Variants in GARRE1 observed in about 807,000 individuals in gnomAD.
GARRE1 encodes the protein granule associated Rac and RHOG effector protein 1.
A neutral mutation model predicts 103.2 loss-of-function variants in GARRE1; 49 were observed. The ratio of observed to expected loss-of-function variants is 0.47; its 90% CI spans 0.38 to 0.60. The LOEUF is 0.60. Ranked by LOEUF, GARRE1 falls within the 20% of genes least tolerant of loss-of-function variation. The probability of loss-of-function intolerance (pLI) is 0.00; values close to 1 mark genes in which losing one functional copy is unlikely to be tolerated. For missense variants in GARRE1, 1,199 were observed against 1,370.5 expected (o/e 0.87, Z 1.98); for synonymous variants, 505 against 532.8 (o/e 0.95, Z 0.72).
intron 10 of GARRE1, among the ~76,000 whole-genome samples, chr19:34,343,189 C>T (rs2074195278): frequency 1.3e-5 from 2 of 152,160 alleles, no homozygotes; most frequent in African/African-American, 4.8e-5. Flanking sequence ...TTTAGTGGCT[C>T]ATGCCTGTAA....
Position 34,349,157 on chromosome 19 carries a change from T to G in GARRE1, c.2825+4T>G. 6.2e-7 allele frequency: 1 copy of G among 1,611,646 alleles called. No individual in the cohort carries two copies. The highest frequency in any genetic ancestry group is 8.5e-7 in the Non-Finnish European group (1 of 1,179,966). On this transcript the variant is annotated splice_donor_region_variant and intron_variant, in intron 12 of 13. Transcript: ENST00000299505. Reference sequence around the variant, plus strand: ...TTGCTGCTGTCAAGCAGAGAAGGTATGAAGGGATTTCTAAACCAAGGTGGG... The same window carrying G: ...TTGCTGCTGTCAAGCAGAGAAGGTAGGAAGGGATTTCTAAACCAAGGTGGG...
At chr19:34,324,209 C>T (rs928871972) in intron 3 of GARRE1, among the ~76,000 whole-genome samples, 3 of 152,164 alleles carry the variant, frequency 2.0e-5, no homozygotes, top group African/African-American at 7.2e-5. Context: ...CTCTGCCCTG[C>T]CCTGTTTCTC....
At chr19:34,277,052 G>C (rs1044050289) in intron 1 of GARRE1, among the ~76,000 whole-genome samples, 1 of 151,898 alleles carries the variant, frequency 6.6e-6, no homozygotes, top group Non-Finnish European at 1.5e-5. Flanking sequence ...AGGATGAACG[G>C]GAGGAGCATC....
chr19:34,291,664 G>A (rs192467223), intron 1 of GARRE1, among the ~76,000 whole-genome samples: 1 of 152,224 alleles, frequency 6.6e-6, no homozygotes, highest in East Asian at 1.9e-4. Flanking sequence ...CTATTCAGGA[G>A]GACAAGAGCC....
At chr19:34,257,080 T>G (rs978504781) in intron 1 of GARRE1, among the ~76,000 whole-genome samples, 75 of 152,162 alleles carry the variant, frequency 4.9e-4, no homozygotes, top group Non-Finnish European at 1.3e-4. Flanking sequence ...GATAGAAAAG[T>G]TCTCAGATTC....
intron 1 of GARRE1, among the ~76,000 whole-genome samples, chr19:34,279,706 C>T (rs1000711905): frequency 8.5e-5 from 13 of 152,240 alleles, no homozygotes; most frequent in African/African-American, 3.1e-4. Context: ...GTTTAATTGG[C>T]CGGGCGCGGT....
rs1291783159 is a variant in GARRE1, at chr19:34,312,406, T to G, written c.496-7501T>G. 6.6e-5 allele frequency among the ~76,000 whole-genome samples: 10 copies of G among 152,354 alleles called. No homozygotes were observed. The East Asian group carries it at 1.9e-3, about 29-fold the overall frequency. On this transcript the variant is annotated intron_variant, in intron 2 of 13. Coordinates refer to ENST00000299505, the MANE Select transcript of GARRE1 (RefSeq NM_014686.5). Reference sequence around the variant, plus strand: ...ATCATCCATCTCTAGAACTTTCTTATCTTCCCAAACTGAAACTCTGTACCT... The same window carrying G: ...ATCATCCATCTCTAGAACTTTCTTAGCTTCCCAAACTGAAACTCTGTACCT...
intron 12 of GARRE1, 93 bp from the exon 13 acceptor site, chr19:34,351,421 T>C (rs1333746973): frequency 3.1e-6 from 3 of 971,262 alleles, no homozygotes; most frequent in African/African-American, 3.2e-5. Flanking sequence ...AACCAGGGCC[T>C]GGAGATGCTG....
intron 1 of GARRE1, among the ~76,000 whole-genome samples, chr19:34,278,352 G>A (rs547832307): frequency 2.7e-5 from 4 of 147,574 alleles, no homozygotes; most frequent in East Asian, 2.0e-4. Flanking sequence ...GCTGAGGCAC[G>A]AGAATTGCTT....
chr19:34,334,787 C>G (rs1252184104), intron 8 of GARRE1, among the ~76,000 whole-genome samples: 1 of 151,854 alleles, frequency 6.6e-6, no homozygotes, highest in Non-Finnish European at 1.5e-5. Context: ...GGTGGGGTGG[C>G]TCACACCTGT....
chr19:34,333,775 A>C lies in GARRE1; in HGVS notation c.1335A>C (p.Arg445Ser). 4.3e-6 allele frequency: 7 copies of C among 1,610,452 alleles called. No homozygotes were observed. The highest frequency in any genetic ancestry group is 5.9e-6 in the Non-Finnish European group (7 of 1,177,398). Residue 445 changes from arginine to serine, a missense_variant, in exon 8 of 14, where the codon AGA becomes AGC. Physicochemically the swap from Arg to Ser is moderately radical, Grantham distance 110. Transcript: ENST00000299505. Reference protein sequence around the residue: ...YAPQISLEGSRIVVQVPSTWC... With the variant: ...YAPQISLEGSSIVVQVPSTWC... The stretch of plus-strand genomic sequence containing the variant: ...CCCAGATCAGTTTAGAAGGCTCTAG[A>C]ATCGTGGTTCAAGTCCCATCCACAT...
rs2074180029 is a variant in GARRE1, at chr19:34,340,333, C to G, written c.1487+341C>G. ...AAATGTTTAGAAAATTTGCTTATGTCTTTTAGAATTTTTTTTCTTTTTCAA... is the reference window on the plus strand; with the variant it reads ...AAATGTTTAGAAAATTTGCTTATGTGTTTTAGAATTTTTTTTCTTTTTCAA... On this transcript the variant is annotated intron_variant, in intron 9 of 13. Coordinates refer to ENST00000299505, the MANE Select transcript of GARRE1 (RefSeq NM_014686.5). 2.0e-5 allele frequency among the ~76,000 whole-genome samples: 3 copies of G among 152,210 alleles called. 1 individual carries two copies. The South Asian group carries it at 6.2e-4, about 32-fold the overall frequency.
Position 34,342,162 on chromosome 19 carries a change from C to T in GARRE1, c.2228C>T (p.Pro743Leu), listed in dbSNP as rs749233181. ...CAACACCTACTCCAGCCCATTGGAC[C>T]GCAGCAGCCCCCGCCCCAGCCTCGG... is the stretch of plus-strand genomic sequence containing the variant. The part of the protein sequence containing the change: ...YYQHLLQPIG[P>L]QQPPPQPRAP... The change falls in exon 10 of 14, where the codon CCG becomes CTG. Residue 743 changes from proline (P) to leucine (L), a missense_variant. Transcript: ENST00000299505. The T allele has an allele frequency of 8.0e-5, 129 of 1,614,044 alleles. 1 individual carries two copies. Among genetic ancestry groups the T allele is most frequent in the Middle Eastern group, 1.6e-4 (1 of 6,084 alleles).
At chr19:34,288,986 G>A (rs748525724) in intron 1 of GARRE1, among the ~76,000 whole-genome samples, 43 of 151,938 alleles carry the variant, frequency 2.8e-4, no homozygotes, top group Non-Finnish European at 1.9e-4. Flanking sequence ...ACAAAAATTG[G>A]CTGGGCATGG....
intron 1 of GARRE1, among the ~76,000 whole-genome samples, chr19:34,292,229 G>A (rs781693748): frequency 6.6e-6 from 1 of 152,126 alleles, no homozygotes; most frequent in Non-Finnish European, 1.5e-5. Context: ...TCATACAATA[G>A]GAGTCTCCTT....
intron 1 of GARRE1, among the ~76,000 whole-genome samples, chr19:34,264,911 G>T (rs1025767307): frequency 2.6e-5 from 4 of 152,110 alleles, no homozygotes; most frequent in Non-Finnish European, 5.9e-5. Flanking sequence ...CTTGACGCAG[G>T]CCTCTACATT....
At chr19:34,351,096 C>T (rs377532946) in intron 12 of GARRE1, among the ~76,000 whole-genome samples, 48 of 151,148 alleles carry the variant, frequency 3.2e-4, no homozygotes, top group African/African-American at 1.2e-3. Flanking sequence ...CTACTCGGGA[C>T]GCTGAGGCAC....
intron 2 of GARRE1, 67 bp downstream of exon 2, chr19:34,301,035 T>C: frequency 6.7e-7 from 1 of 1,483,884 alleles, no homozygotes; most frequent in Non-Finnish European, 9.0e-7. Flanking sequence ...GAATATTGTC[T>C]TAAGTTTTTT....
intron 3 of GARRE1, among the ~76,000 whole-genome samples, chr19:34,323,311 G>A (rs1033226345): frequency 2.6e-5 from 4 of 152,126 alleles, no homozygotes; most frequent in East Asian, 1.9e-4. Flanking sequence ...GATTACAGGC[G>A]TGAGCCACGG....
Sources: allele counts gnomAD v4.1 joint callset (sites outside exome capture counted in the v4.1 genomes callset), GRCh38; gene constraint gnomAD v4.1.1; transcripts MANE v1.5; gene names NCBI Gene and HGNC (gene_info 2026-07-23, HGNC 2026-07-21).